The following DNAAF1 variants were observed in gnomAD, a reference collection of about 807,000 sequenced individuals.
The protein encoded by DNAAF1 is dynein axonemal assembly factor 1, also known as dynein assembly factor 1, axonemal.
In DNAAF1, 65 loss-of-function variants were observed where a neutral mutation model predicts 71.1. That is an observed-to-expected ratio of 0.91 (90% CI 0.75 to 1.12). The LOEUF (loss-of-function observed/expected upper bound fraction) is 1.12. Ranked by LOEUF, DNAAF1 falls within the 50% of genes most tolerant of loss-of-function variation. The pLI is 0.00. For missense variants in DNAAF1, 1,178 were observed against 899.8 expected, an observed-to-expected ratio of 1.31 and a Z score of -3.96; for synonymous variants, 414 against 354.6, an observed-to-expected ratio of 1.17 and a Z score of -1.88.
At chr16:84,166,184 C>T (rs1025024910) in intron 7 of DNAAF1, among the ~76,000 whole-genome samples, 3 of 151,304 alleles carry the variant, frequency 2.0e-5, no homozygotes, top group African/African-American at 4.9e-5. Context: ...CTCCCCAGAG[C>T]TGGGATTATG....
At chr16:84,163,766 T>A (rs1434570539) in intron 6 of DNAAF1, among the ~76,000 whole-genome samples, 1 of 152,188 alleles carries the variant, frequency 6.6e-6, no homozygotes, top group Non-Finnish European at 1.5e-5. Context: ...ATAATGATGT[T>A]GAGCACGTTT....
At chr16:84,148,960 T>C (rs779857691) in intron 1 of DNAAF1, 47 bp from the exon 2 acceptor site, 3 of 1,609,804 alleles carry the variant, frequency 1.9e-6, no homozygotes, top group Non-Finnish European at 2.6e-6. Context: ...GGGTATTTTT[T>C]GGCATATATC....
At chr16:84,177,627 T>C (rs778739289) in intron 11 of DNAAF1, 102 bp from the exon 12 acceptor site, 65 of 969,528 alleles carry the variant, frequency 6.7e-5, no homozygotes, top group South Asian at 1.2e-4. Flanking sequence ...CCACGCCCAG[T>C]TGAGGACACT....
chr16:84,170,757 C>T (rs1028442315), intron 8 of DNAAF1, among the ~76,000 whole-genome samples: 6 of 152,018 alleles, frequency 3.9e-5, no homozygotes, highest in Non-Finnish European at 7.4e-5. Context: ...GCTTGAGCCC[C>T]AGAGGTTGAG....
chr16:84,175,968 CTT>C lies in DNAAF1; in HGVS notation c.1735_1736del (p.Leu579GlufsTer2). ...TTCCGAAGATTGAGGTCATCTCGAGCTTGAGTGATGACAGTGACCCTGAACTG... is the reference window on the plus strand; with the variant it reads ...TTCCGAAGATTGAGGTCATCTCGAGCGAGTGATGACAGTGACCCTGAACTG... ...CFPKIEVISS[L>X]SDDSDPELDY... is the part of the protein sequence containing the mutation. On this transcript the variant is annotated frameshift_variant, in exon 11 of 12. Transcript: ENST00000378553. LOFTEE classifies it high-confidence loss of function. The C allele has an allele frequency of 6.2e-7, 1 of 1,614,112 alleles. No individual in the cohort carries two copies. The highest frequency in any genetic ancestry group is 8.5e-7 in the Non-Finnish European group (1 of 1,179,962).
At chr16:84,153,492 A>G (rs886220612) in intron 3 of DNAAF1, among the ~76,000 whole-genome samples, 6 of 152,228 alleles carry the variant, frequency 3.9e-5, no homozygotes, top group Admixed American at 1.3e-4. Context: ...AGTGTATTCT[A>G]TAACTATGTT....
In DNAAF1 at chr16:84,176,102, A is replaced by C; in HGVS notation, c.1868A>C (p.Asp623Ala). The C allele has an allele frequency of 6.2e-7, 1 of 1,613,932 alleles. No individual in the cohort carries two copies. The highest frequency in any genetic ancestry group is 8.5e-7 in the Non-Finnish European group (1 of 1,179,942). ...TSKAARVPFT[D>A]IFKKEAKRDL... Reference sequence around the variant, plus strand: ...AAGGCGGCTCGGGTGCCCTTCACAGACATCTTTAAAAAAGAAGCTAAGAGG... The same window carrying C: ...AAGGCGGCTCGGGTGCCCTTCACAGCCATCTTTAAAAAAGAAGCTAAGAGG... Residue 623 changes from aspartate to alanine, a missense_variant, in exon 11 of 12, where the codon GAC (aspartate) becomes GCC (alanine). Physicochemically the swap from Asp to Ala is moderately radical, Grantham distance 126. Transcript: ENST00000378553.
At position 84,172,429 on chromosome 16, in the gene DNAAF1, T is replaced by C. The variant is rs968144993; in HGVS notation, c.1644+54T>C. The C allele has an allele frequency of 1.7e-5, 27 of 1,599,382 alleles. No individual in the cohort carries two copies. In the African/African-American group the frequency reaches 2.4e-4, roughly 14 times the overall value. On this transcript the variant is annotated intron_variant, in intron 9 of 11. Transcript: ENST00000378553. ...AGTATCAGTTTTACTGTTAGTAAAA[T>C]AGGTAATCAGATGCAGACTTTGGAG...
At chr16:84,163,037 G>C (rs2087789617) in intron 6 of DNAAF1, among the ~76,000 whole-genome samples, 1 of 152,134 alleles carries the variant, frequency 6.6e-6, no homozygotes, top group Non-Finnish European at 1.5e-5. Flanking sequence ...GTTCCATCCA[G>C]TACTTCATTC....
At chr16:84,154,477 A>G in intron 3 of DNAAF1, 100 bp from the exon 4 acceptor site, 2 of 1,003,344 alleles carry the variant, frequency 2.0e-6, no homozygotes, top group South Asian at 1.3e-5. Flanking sequence ...TTGAAGGGAC[A>G]CAGACATTCA....
At chr16:84,174,172 TCCAACCACACACTATGCTGCCTCC>T in intron 9 of DNAAF1, 1 of 1,003,082 alleles carries the variant, frequency 1.0e-6, no homozygotes, top group Non-Finnish European at 1.2e-6. Flanking sequence ...AGTTCATGCA[TCCAACCACACACTATGCTGCCTCC>T]CCAACCACGC....
rs2088282635 is a variant in DNAAF1, at chr16:84,170,650, A to G, written c.1528+294A>G. ...GGAGTTTCAGACCAGCCTCAGAAAT[A>G]CAGAGACCTCATCCCTACCAAAACT... On this transcript the variant is annotated intron_variant, in intron 8 of 11. Coordinates refer to ENST00000378553, the MANE Select transcript of DNAAF1 (RefSeq NM_178452.6). Among the ~76,000 whole-genome samples, 3 of 152,016 alleles carry G rather than the reference A, an allele frequency of 2.0e-5. No individual in the cohort carries two copies. In the South Asian group the frequency reaches 6.2e-4, roughly 32 times the overall value.
chr16:84,165,191 C>T (rs1014302706), intron 6 of DNAAF1, among the ~76,000 whole-genome samples: 1 of 152,100 alleles, frequency 6.6e-6, no homozygotes, highest in Non-Finnish European at 1.5e-5. Context: ...TATTTTCTCC[C>T]AGTCTGTAGC....
At chr16:84,156,264 C>T (rs191084838) in intron 5 of DNAAF1, among the ~76,000 whole-genome samples, 115 of 152,326 alleles carry the variant, frequency 7.5e-4, no homozygotes, top group African/African-American at 2.6e-3. Flanking sequence ...TGCCCAACCA[C>T]CACTCAATTA....
chr16:84,145,882 A>C (rs1338172398), intron 1 of DNAAF1, among the ~76,000 whole-genome samples: 2 of 151,914 alleles, frequency 1.3e-5, no homozygotes, highest in Non-Finnish European at 2.9e-5. Flanking sequence ...TCATCAGGTC[A>C]GTCAGGAGTT....
intron 10 of DNAAF1, chr16:84,175,304 A>C: frequency 5.6e-6 from 1 of 177,162 alleles, no homozygotes; most frequent in Admixed American, 5.4e-5. Flanking sequence ...ACTTTCTGTC[A>C]TTAAGATGTA....
At chr16:84,147,037 G>T (rs1484403239) in intron 1 of DNAAF1, among the ~76,000 whole-genome samples, 1 of 152,158 alleles carries the variant, frequency 6.6e-6, no homozygotes, top group Non-Finnish European at 1.5e-5. Context: ...AGGCTCAGCA[G>T]CTGGCCAGCT....
At chr16:84,167,900 C>T (rs2151258831) in intron 7 of DNAAF1, among the ~76,000 whole-genome samples, 1 of 152,144 alleles carries the variant, frequency 6.6e-6, no homozygotes, top group South Asian at 2.1e-4. Context: ...GCCTATAATC[C>T]CAGCTACTTG....
chr16:84,152,188 A>C (rs566332853), intron 3 of DNAAF1, among the ~76,000 whole-genome samples: 2 of 152,296 alleles, frequency 1.3e-5, no homozygotes, highest in Admixed American at 6.5e-5. Context: ...GAGAGCAACA[A>C]GTTGGAGATG....
Sources: gnomAD v4.1 joint callset for allele counts (sites outside exome capture counted in the v4.1 genomes callset) on GRCh38, gnomAD v4.1.1 for gene constraint, MANE v1.5 for transcripts, NCBI Gene and HGNC (gene_info 2026-07-23, HGNC 2026-07-21) for gene names.